Variants in SOS2 observed in about 807,000 individuals in gnomAD.
The protein encoded by SOS2 is son of sevenless homolog 2.
In SOS2, 65 loss-of-function variants were observed where a neutral mutation model predicts 148.2. The ratio of observed to expected loss-of-function variants is 0.44; its 90% CI spans 0.36 to 0.54. SOS2 has a LOEUF of 0.54. Among genes scored for constraint, SOS2 ranks in the 20% least tolerant of loss-of-function variants. The pLI is 0.00. For synonymous variants in SOS2, 539 were observed against 537.1 expected, an observed-to-expected ratio of 1.00 and a Z score of -0.05; for missense variants, 1,341 against 1,590.2, an observed-to-expected ratio of 0.84 and a Z score of 2.67.
intron 1 of SOS2, among the ~76,000 whole-genome samples, chr14:50,226,327 T>C (rs984794082): frequency 6.6e-6 from 1 of 152,212 alleles, no homozygotes; most frequent in Non-Finnish European, 1.5e-5. Flanking sequence ...AAGTCTTCTT[T>C]GACTCTCATA....
intron 14 of SOS2, among the ~76,000 whole-genome samples, chr14:50,149,544 T>C (rs1884597290): frequency 6.6e-6 from 1 of 152,014 alleles, no homozygotes; most frequent in South Asian, 2.1e-4. Flanking sequence ...TAGAAAAAGT[T>C]TTTGATGGAA....
intron 12 of SOS2, among the ~76,000 whole-genome samples, chr14:50,155,346 T>C (rs1884779607): frequency 6.6e-6 from 1 of 152,156 alleles, no homozygotes; most frequent in African/African-American, 2.4e-5. Context: ...TGCAATACAA[T>C]GCCTACATTC....
intron 8 of SOS2, among the ~76,000 whole-genome samples, chr14:50,173,479 T>C (rs1766118721): frequency 6.6e-6 from 1 of 152,080 alleles, no homozygotes. Context: ...TGGAGTGCAG[T>C]GGCACAATCT....
At chr14:50,149,195 C>A (rs1247517310) in intron 14 of SOS2, among the ~76,000 whole-genome samples, 1 of 152,130 alleles carries the variant, frequency 6.6e-6, no homozygotes, top group Non-Finnish European at 1.5e-5. Flanking sequence ...CATACCCAGC[C>A]AAGCACATTT....
At chr14:50,225,613 T>A (rs1887347324) in intron 1 of SOS2, among the ~76,000 whole-genome samples, 1 of 152,176 alleles carries the variant, frequency 6.6e-6, no homozygotes, top group African/African-American at 2.4e-5. Flanking sequence ...ACTCTTCGGG[T>A]CAGTTTGGGT....
chr14:50,207,207 A>G (rs1283831208), intron 1 of SOS2, among the ~76,000 whole-genome samples: 1 of 152,198 alleles, frequency 6.6e-6, no homozygotes, highest in African/African-American at 2.4e-5. Context: ...TCAAAAAGAA[A>G]GATGAAAATT....
chr14:50,208,103 C>T (rs1412043933), intron 1 of SOS2, among the ~76,000 whole-genome samples: 1 of 152,012 alleles, frequency 6.6e-6, no homozygotes, highest in Non-Finnish European at 1.5e-5. Flanking sequence ...CAAGGCCAGC[C>T]TGGCCAACAT....
intron 12 of SOS2, among the ~76,000 whole-genome samples, chr14:50,155,686 A>T (rs1179307229): frequency 1.3e-5 from 2 of 152,180 alleles, no homozygotes; most frequent in Non-Finnish European, 1.5e-5. Flanking sequence ...ATATCATGAC[A>T]GTCTATGTTA....
intron 1 of SOS2, among the ~76,000 whole-genome samples, chr14:50,216,603 A>C (rs1358108661): frequency 6.6e-6 from 1 of 151,902 alleles, no homozygotes; most frequent in Non-Finnish European, 1.5e-5. Flanking sequence ...TACTAAAAGT[A>C]CAAAAATTAG....
intron 1 of SOS2, among the ~76,000 whole-genome samples, chr14:50,229,343 G>T (rs563154914): frequency 6.6e-6 from 1 of 151,994 alleles, no homozygotes; most frequent in Non-Finnish European, 1.5e-5. Flanking sequence ...TTTCTTAGAT[G>T]TATTTATTTC....
intron 7 of SOS2, among the ~76,000 whole-genome samples, chr14:50,175,980 T>C (rs1009432654): frequency 6.6e-6 from 1 of 152,256 alleles, no homozygotes; most frequent in Non-Finnish European, 1.5e-5. Flanking sequence ...TCACATTTGT[T>C]ATGATCTGAA....
chr14:50,153,985 CTGTTT>C (rs10593921), intron 12 of SOS2, among the ~76,000 whole-genome samples: 34,456 of 151,798 alleles, frequency 0.23, 4,338 homozygotes, highest in East Asian at 0.43. Context: ...AAAAATAGAA[CTGTTT>C]TGTTTTACAG....
At chr14:50,201,178 C>G in intron 2 of SOS2, 94 bp from the exon 3 acceptor site, 1 of 1,158,356 alleles carries the variant, frequency 8.6e-7, no homozygotes, top group Non-Finnish European at 1.3e-6. Context: ...ATTCTTAATG[C>G]TAGCAGATAA....
intron 1 of SOS2, among the ~76,000 whole-genome samples, chr14:50,214,370 A>G (rs901786854): frequency 5.9e-5 from 9 of 152,116 alleles, no homozygotes; most frequent in East Asian, 1.9e-4. Flanking sequence ...TGTTTCTAAC[A>G]TATTTTCTAA....
intron 8 of SOS2, among the ~76,000 whole-genome samples, chr14:50,166,718 T>C (rs138825326): frequency 2.3e-4 from 35 of 152,298 alleles, no homozygotes; most frequent in African/African-American, 7.9e-4. Flanking sequence ...TACCAAATGC[T>C]ACATCTACTA....
At chr14:50,188,108 G>A (rs1455301272) in intron 5 of SOS2, among the ~76,000 whole-genome samples, 1 of 152,112 alleles carries the variant, frequency 6.6e-6, no homozygotes, top group Non-Finnish European at 1.5e-5. Context: ...AGTATTTAAA[G>A]TTACTATTTA....
chr14:50,123,007 A>G (rs1035637624), intron 21 of SOS2, among the ~76,000 whole-genome samples: 1 of 152,194 alleles, frequency 6.6e-6, no homozygotes, highest in African/African-American at 2.4e-5. Context: ...AATCTAGGTT[A>G]GGGAAAGATA....
At chr14:50,226,281 T>C (rs1457427283) in intron 1 of SOS2, among the ~76,000 whole-genome samples, 1 of 152,182 alleles carries the variant, frequency 6.6e-6, no homozygotes, top group Non-Finnish European at 1.5e-5. Flanking sequence ...TATTTGAATA[T>C]ATAATCCAGA....
In SOS2 at chr14:50,118,237, G is replaced by T; in HGVS notation, c.*107C>A. 1.1e-6 allele frequency: 1 copy of T among 910,898 alleles called. No individual in the cohort carries two copies. Among genetic ancestry groups the T allele is most frequent in the African/African-American group, 1.7e-5 (1 of 58,948 alleles). 56.4% of individuals were successfully genotyped at this position (910,898 alleles called of 1,614,324 possible). The stretch of plus-strand genomic sequence containing the variant: ...TATTTGATCAGTAGCATTTTTGTAA[G>T]AGCATTATTTGTAAAAAGTACTAAA... On this transcript the variant is annotated 3_prime_UTR_variant, in exon 23 of 23. Transcript: ENST00000216373.
Sources: gnomAD v4.1 joint callset for allele counts (sites outside exome capture counted in the v4.1 genomes callset) on GRCh38, gnomAD v4.1.1 for gene constraint, MANE v1.5 for transcripts, NCBI Gene and HGNC (gene_info 2026-07-23, HGNC 2026-07-21) for gene names.